The following PDE3B variants were observed in gnomAD, a reference collection of about 807,000 sequenced individuals.
The protein encoded by PDE3B is cGMP-inhibited 3',5'-cyclic phosphodiesterase 3B.
PDE3B carries 66 observed loss-of-function variants against 116.8 expected under a neutral mutation model. The observed-to-expected ratio is 0.56, with a 90% confidence interval of 0.46 to 0.69. PDE3B has a LOEUF of 0.69. Ranked by LOEUF, PDE3B falls within the 30% of genes least tolerant of loss-of-function variation. The pLI is 0.00. For synonymous variants in PDE3B, 595 were observed against 533.6 expected (o/e 1.12, Z -1.59); for missense variants, 1,384 against 1,368.1 (o/e 1.01, Z -0.18).
At chr11:14,893,292 A>G in the PDE3B span, among the ~76,000 whole-genome samples, 2 of 152,258 alleles carry the variant, frequency 1.3e-5, no homozygotes, top group African/African-American at 2.4e-5. Flanking sequence ...AAAGTGCGTT[A>G]TAGAAAACGC....
chr11:14,841,388 C>CAT (rs1195262909), intron 11 of PDE3B, among the ~76,000 whole-genome samples: 9 of 145,674 alleles, frequency 6.2e-5, no homozygotes, highest in East Asian at 2.0e-4. Context: ...TATATATATT[C>CAT]ATATATATAT....
chr11:14,660,772 C>G (rs1325222709), intron 1 of PDE3B, among the ~76,000 whole-genome samples: 1 of 152,014 alleles, frequency 6.6e-6, no homozygotes, highest in South Asian at 2.1e-4. Flanking sequence ...TAGCTGATCA[C>G]CCTTAGAATA....
intron 2 of PDE3B, among the ~76,000 whole-genome samples, chr11:14,780,235 T>G (rs1406132065): frequency 6.6e-6 from 1 of 152,174 alleles, no homozygotes; most frequent in Non-Finnish European, 1.5e-5. Flanking sequence ...AACACCCCAC[T>G]GTCAACATTA....
At position 14,644,304 on chromosome 11, in the gene PDE3B, C is replaced by G. The variant is rs757601741; in HGVS notation, c.229C>G (p.Arg77Gly). Reference protein sequence around the residue: ...QQPRRCSPFCRARLSLGALAA... With the variant: ...QQPRRCSPFCGARLSLGALAA... ...GCCGCGGCGCTGCTCCCCCTTCTGC[C>G]GGGCGCGCCTCTCGCTGGGCGCCCT... The change falls in exon 1 of 16, where the codon CGG becomes GGG. Residue 77 changes from arginine (R) to glycine (G), a missense_variant. This residue lies in a region of PDE3B where 956 missense variants were observed against 806.8 expected (regional missense o/e 1.18). Coordinates refer to ENST00000282096, the MANE Select transcript of PDE3B (RefSeq NM_000922.4). 62 of 1,564,336 alleles carry G rather than the reference C, an allele frequency of 4.0e-5. No homozygotes were observed. The East Asian group carries it at 1.5e-3, about 37-fold the overall frequency.
chr11:14,722,493 A>G lies in PDE3B; in HGVS notation c.979-49444A>G, dbSNP rs566182059. ...TTTTCCAAAGACGAAACAAGGAGAA[A>G]TTTATTCCGTTTTGTAAGATTTGTT... On this transcript the variant is annotated intron_variant, in intron 1 of 15. Transcript: ENST00000282096. Among the ~76,000 whole-genome samples, 3 of 152,310 alleles carry G rather than the reference A, an allele frequency of 2.0e-5. No homozygotes were observed. In the South Asian group the frequency reaches 6.2e-4, roughly 32 times the overall value.
chr11:14,759,274 C>G (rs1857285414), intron 1 of PDE3B, among the ~76,000 whole-genome samples: 2 of 152,236 alleles, frequency 1.3e-5, no homozygotes, highest in South Asian at 2.1e-4. Context: ...CAGAATGATG[C>G]TGGCCTCATA....
rs367839982 is a variant in PDE3B at position 14,802,244 on chromosome 11, C to A, written c.1416-1700C>A. Among the ~76,000 whole-genome samples the A allele has an allele frequency of 3.3e-5, 5 of 152,182 alleles. No homozygotes were observed. In the East Asian group the frequency reaches 9.6e-4, roughly 29 times the overall value. ...AGTTTGGTGTCTGCCTAAATGGCCG[C>A]CCAGTTTTTTGCTTGAAACCCAGGG... On this transcript the variant is annotated intron_variant, in intron 4 of 15. Transcript: ENST00000282096.
intron 5 of PDE3B, among the ~76,000 whole-genome samples, chr11:14,814,135 T>G (rs1294436208): frequency 6.6e-6 from 1 of 152,158 alleles, no homozygotes; most frequent in African/African-American, 2.4e-5. Flanking sequence ...AAAGTATCTA[T>G]CAAAAATGTT....
chr11:14,776,162 A>T (rs1260303859), intron 2 of PDE3B: 1 of 152,288 alleles, frequency 6.6e-6, no homozygotes, highest in East Asian at 1.9e-4. Context: ...ATAAGGTGAC[A>T]CAGGTAGGCT....
intron 11 of PDE3B, 23 bp downstream of exon 11, chr11:14,835,118 T>G: frequency 7.1e-7 from 1 of 1,402,218 alleles, no homozygotes; most frequent in Non-Finnish European, 1.0e-6. Context: ...ACAAATCTCT[T>G]AATTATTTTG....
intron 1 of PDE3B, among the ~76,000 whole-genome samples, chr11:14,677,021 A>G (rs189250720): frequency 9.2e-5 from 14 of 152,288 alleles, no homozygotes; most frequent in Non-Finnish European, 1.5e-5. Context: ...TTCCATGTAG[A>G]TAACCAGTTG....
chr11:14,828,068 G>T (rs1362129197), intron 7 of PDE3B, among the ~76,000 whole-genome samples: 1 of 152,144 alleles, frequency 6.6e-6, no homozygotes, highest in Non-Finnish European at 1.5e-5. Flanking sequence ...CATTAATGGG[G>T]AAAGGACTCC....
intron 11 of PDE3B, among the ~76,000 whole-genome samples, chr11:14,838,275 G>A (rs918116568): frequency 3.9e-5 from 6 of 151,926 alleles, no homozygotes; most frequent in African/African-American, 1.2e-4. Flanking sequence ...CACTGTGCCC[G>A]GCCAAGAAAC....
intron 1 of PDE3B, among the ~76,000 whole-genome samples, chr11:14,684,462 G>A (rs909549886): frequency 6.6e-6 from 1 of 152,162 alleles, no homozygotes; most frequent in African/African-American, 2.4e-5. Context: ...ATGCTTCTGA[G>A]GAAACAGTAC....
chr11:14,875,150 C>A (rs1267920908), downstream of PDE3B, among the ~76,000 whole-genome samples: 1 of 152,082 alleles, frequency 6.6e-6, no homozygotes, highest in Non-Finnish European at 1.5e-5. Context: ...AGTAAATCTG[C>A]TTGATTTCTT....
At chr11:14,814,697 C>T (rs1859261688) in intron 5 of PDE3B, among the ~76,000 whole-genome samples, 1 of 152,126 alleles carries the variant, frequency 6.6e-6, no homozygotes, top group South Asian at 2.1e-4. Context: ...TGGTGGCTCA[C>T]GCCTGTAATC....
At chr11:14,765,468 A>G (rs1305485927) in intron 1 of PDE3B, among the ~76,000 whole-genome samples, 1 of 151,902 alleles carries the variant, frequency 6.6e-6, no homozygotes, top group Admixed American at 6.6e-5. Flanking sequence ...TCAGGATTCA[A>G]CTTTTTAACC....
chr11:14,805,936 A>G lies in PDE3B; in HGVS notation c.1522+1886A>G, dbSNP rs970864477. 3.3e-5 allele frequency among the ~76,000 whole-genome samples: 5 copies of G among 152,268 alleles called. No individual in the cohort carries two copies. In the East Asian group the frequency reaches 9.6e-4, roughly 29 times the overall value. The stretch of plus-strand genomic sequence containing the variant: ...TCAGAGAAATGCAAATCAAAACCAC[A>G]ATGAGATAATATCTCACGCCAGTTA... On this transcript the variant is annotated intron_variant, in intron 5 of 15. Coordinates refer to ENST00000282096, the MANE Select transcript of PDE3B (RefSeq NM_000922.4).
intron 7 of PDE3B, among the ~76,000 whole-genome samples, chr11:14,822,150 G>C: frequency 6.6e-6 from 1 of 151,980 alleles, no homozygotes; most frequent in East Asian, 1.9e-4. Context: ...TGATCCTCCC[G>C]CCTTGGCCTC....
Sources: allele counts gnomAD v4.1 joint callset (sites outside exome capture counted in the v4.1 genomes callset), GRCh38; gene constraint gnomAD v4.1.1; regional missense constraint gnomAD v4.1.1; transcripts MANE v1.5; gene names NCBI Gene and HGNC (gene_info 2026-07-23, HGNC 2026-07-21).